The following MYO15B variants were observed in gnomAD, a reference collection of about 807,000 sequenced individuals.
MYO15B encodes myosin XVB pseudogene.
A neutral mutation model predicts 119.3 loss-of-function variants in MYO15B; 207 were observed. The observed-to-expected ratio is 1.73, with a 90% confidence interval of 1.55 to 1.95. MYO15B has a LOEUF of 1.95. Ranked by LOEUF, MYO15B falls within the 30% of genes most tolerant of loss-of-function variation. MYO15B has a pLI of 0.00. For missense variants in MYO15B, 2,264 were observed against 1,203.1 expected (o/e 1.88, Z -13.04); for synonymous variants, 966 against 498.9 (o/e 1.94, Z -12.48).
exon 1 of MYO15B, chr17:75,590,226 G>A (rs2056346187): frequency 7.5e-6 from 3 of 398,994 alleles, no homozygotes; most frequent in Admixed American, 4.4e-5. Context: ...AAGACATGGA[G>A]GACCTGGCGC....
At chr17:75,606,511 T>A (rs1353026136) in intron 21 of MYO15B, among the ~76,000 whole-genome samples, 4 of 149,320 alleles carry the variant, frequency 2.7e-5, no homozygotes, top group Non-Finnish European at 5.9e-5. Context: ...TTCACTCTTG[T>A]TGCCCAGGCT....
In MYO15B at chr17:75,589,177, C is replaced by T. The variant is rs943837804; in HGVS notation, c.1120C>T (p.Leu374=). The change falls in exon 1 of 64, where the codon CTG becomes TTG. Residue 374 remains leucine, a synonymous_variant. Transcript: ENST00000645453. This position sits in a 1 kb window ranked among gnomAD's most constrained non-coding sequence, Gnocchi z 4.2. ...GCGGCTCCTGAGTGTAGCGCGAGCC[C>T]TGGGCCTCCTGCGCTGGCTGCGGCG... 2 of 394,870 alleles carry T rather than the reference C, an allele frequency of 5.1e-6. No individual in the cohort carries two copies. The highest frequency in any genetic ancestry group is 1.3e-4 in the South Asian group (1 of 7,882). 24.5% of individuals were successfully genotyped at this position (394,870 alleles called of 1,614,324 possible).
At chr17:75,600,906 T>G (rs1015230313) in intron 14 of MYO15B, among the ~76,000 whole-genome samples, 112 of 69,324 alleles carry the variant, frequency 1.6e-3, no homozygotes, top group Non-Finnish European at 3.3e-3. Context: ...AATTTTTAAT[T>G]TTTTTTTTTT....
At chr17:75,593,749 G>A (rs185993215) in intron 9 of MYO15B, among the ~76,000 whole-genome samples, 3 of 151,592 alleles carry the variant, frequency 2.0e-5, no homozygotes, top group Admixed American at 6.6e-5. Flanking sequence ...GTGAAACCCC[G>A]TCTCTACTAA....
intron 12 of MYO15B, 45 bp from the exon 13 acceptor site, chr17:75,596,415 G>C (rs1346418537): frequency 1.4e-6 from 1 of 697,874 alleles, no homozygotes; most frequent in African/African-American, 1.8e-5. Flanking sequence ...GGGGTGGGGG[G>C]AGGGCACAGC....
intron 55 of MYO15B, 21 bp downstream of exon 55, chr17:75,624,085 TGGA>T (rs756223276): frequency 4.3e-6 from 3 of 702,854 alleles, no homozygotes; most frequent in South Asian, 3.0e-5. Flanking sequence ...GAAGGGGAGA[TGGA>T]GGAGAGGCAG....
chr17:75,600,935 G>A (rs1316698970), intron 14 of MYO15B, among the ~76,000 whole-genome samples: 13 of 117,874 alleles, frequency 1.1e-4, no homozygotes, highest in Admixed American at 2.9e-4. Flanking sequence ...ATGGAGTCTC[G>A]CACTGTCACC....
At chr17:75,590,369 C>T in intron 1 of MYO15B, 126 bp downstream of exon 1, 1 of 398,322 alleles carries the variant, frequency 2.5e-6, no homozygotes, top group East Asian at 3.6e-5. Context: ...TTGAACCCTC[C>T]TGGCAGGAAG....
chr17:75,588,542 G>C (rs1323546956), exon 1 of MYO15B: 1 of 398,690 alleles, frequency 2.5e-6, no homozygotes, highest in Non-Finnish European at 4.4e-6. Context: ...TGTCCGGACA[G>C]CGAAACCCGC....
exon 21 of MYO15B, chr17:75,605,911 C>T (rs2057616204): frequency 1.4e-6 from 1 of 702,054 alleles, no homozygotes. Flanking sequence ...AGCTCCGGGA[C>T]CAGCAGCGCT....
exon 47 of MYO15B, chr17:75,619,961 A>G (rs1261128440): frequency 2.8e-6 from 2 of 702,718 alleles, no homozygotes; most frequent in Non-Finnish European, 5.2e-6. Context: ...GGTGCTGCAC[A>G]CAGCCCGGGC....
At chr17:75,610,209 A>G (rs1254637034) in exon 22 of MYO15B, 2 of 701,430 alleles carry the variant, frequency 2.9e-6, no homozygotes, top group East Asian at 5.4e-5. Context: ...ACAGCTGAAC[A>G]CCATCCTGCT....
At chr17:75,614,099 A>G in intron 29 of MYO15B, 100 bp from the exon 30 acceptor site, 1 of 645,044 alleles carries the variant, frequency 1.6e-6, no homozygotes, top group Non-Finnish European at 2.8e-6. Flanking sequence ...ATCCAGGGCC[A>G]CCCTCCCTTC....
intron 12 of MYO15B, among the ~76,000 whole-genome samples, chr17:75,595,670 C>T (rs1196030733): frequency 3.9e-5 from 6 of 152,316 alleles, no homozygotes; most frequent in Non-Finnish European, 5.9e-5. Flanking sequence ...GCCTGTCCTC[C>T]GTGGCCTTGT....
At chr17:75,618,714 C>A (rs1093994) in intron 43 of MYO15B, among the ~76,000 whole-genome samples, 1 of 152,058 alleles carries the variant, frequency 6.6e-6, no homozygotes, top group South Asian at 2.1e-4. Context: ...AAGCAAAGTG[C>A]GTACAGTGCA....
At chr17:75,597,990 G>T (rs1173724067) in intron 14 of MYO15B, among the ~76,000 whole-genome samples, 1 of 152,106 alleles carries the variant, frequency 6.6e-6, no homozygotes, top group East Asian at 1.9e-4. Context: ...GGCTCCGTGG[G>T]TGGGCGTGTG....
intron 14 of MYO15B, among the ~76,000 whole-genome samples, chr17:75,600,899 T>A (rs1444243810): frequency 7.0e-6 from 1 of 142,780 alleles, no homozygotes; most frequent in Non-Finnish European, 1.5e-5. Context: ...CCCAGCTAAT[T>A]TTTAATTTTT....
chr17:75,613,292 G>T lies in MYO15B; in HGVS notation c.4968-1G>T. ...CACTGCAGCCTGTGCCCGCCCTGCA[G>T]GTTCGTGTCTGACCAGGCCCCCAGG... is the stretch of plus-strand genomic sequence containing the variant. On this transcript the variant is annotated splice_acceptor_variant, in intron 27 of 63. Transcript: ENST00000645453. LOFTEE classifies it high-confidence loss of function. 1 of 669,234 alleles carries T rather than the reference G, an allele frequency of 1.5e-6. No individual in the cohort carries two copies. Among genetic ancestry groups the T allele is most frequent in the Non-Finnish European group, 2.7e-6 (1 of 364,684 alleles). 41.5% of individuals were successfully genotyped at this position (669,234 alleles called of 1,614,324 possible). A position where few individuals can be genotyped will look rare whatever the true frequency, so the allele number is the denominator to read the frequency against.
At chr17:75,591,797 A>C in intron 5 of MYO15B, 85 bp downstream of exon 5, 3 of 694,082 alleles carry the variant, frequency 4.3e-6, no homozygotes, top group Non-Finnish European at 7.9e-6. Flanking sequence ...CCAAGGGACT[A>C]TCTTTCTCCT....
Sources: gnomAD v4.1 joint callset for allele counts (sites outside exome capture counted in the v4.1 genomes callset) on GRCh38, gnomAD v4.1.1 for gene constraint, Gnocchi (gnomAD v3.1) non-coding constraint, MANE v1.5 for transcripts, NCBI Gene and HGNC (gene_info 2026-07-23, HGNC 2026-07-21) for gene names.